The following FGFR2 variants were observed in gnomAD, a reference collection of about 807,000 sequenced individuals.
FGFR2 encodes the protein fibroblast growth factor receptor 2.
FGFR2 carries 19 observed loss-of-function variants against 95.9 expected under a neutral mutation model. That is an observed-to-expected ratio of 0.20 (90% CI 0.14 to 0.29). The LOEUF (loss-of-function observed/expected upper bound fraction) is 0.29. FGFR2 is among the 10% of genes least tolerant of loss of function. The pLI, the probability that FGFR2 is intolerant of heterozygous loss-of-function variation, is 1.00. For synonymous variants in FGFR2, 392 were observed against 393.3 expected (o/e 1.00, Z 0.04); for missense variants, 707 against 1,056.9 (o/e 0.67, Z 4.59).
At chr10:121,525,046 C>T (rs1426733908) in intron 6 of FGFR2, among the ~76,000 whole-genome samples, 1 of 152,216 alleles carries the variant, frequency 6.6e-6, no homozygotes, top group Non-Finnish European at 1.5e-5. Flanking sequence ...TCTCTTCTAG[C>T]ATGTTTAACT....
At chr10:121,536,227 T>C (rs979027477) in intron 6 of FGFR2, among the ~76,000 whole-genome samples, 18 of 152,204 alleles carry the variant, frequency 1.2e-4, no homozygotes, top group African/African-American at 4.3e-4. Flanking sequence ...TCTTATTTTA[T>C]TAGTGCTTCG....
chr10:121,510,915 C>T (rs1193625239), intron 9 of FGFR2, among the ~76,000 whole-genome samples: 1 of 151,982 alleles, frequency 6.6e-6, no homozygotes. Flanking sequence ...GATTCTCCTG[C>T]CTTAGTTTCC....
intron 13 of FGFR2, among the ~76,000 whole-genome samples, chr10:121,490,206 CA>C (rs570983099): frequency 1.1e-3 from 143 of 128,220 alleles, no homozygotes; most frequent in African/African-American, 3.6e-3. Flanking sequence ...TCTTGTTTCC[CA>C]GGCTAGAGTG....
rs758165971 is a variant in FGFR2, at chr10:121,518,876, T to C, written c.939+1103A>G. On this transcript the variant is annotated intron_variant, in intron 7 of 17. Transcript: ENST00000358487. The surrounding 1 kb of genome is among the most constrained non-coding windows in gnomAD (Gnocchi z 4.0). ...AATATAACGGCCAACCAGGAAGGTC[T>C]TAGCATTGTCTATGGTCCCACCACC... The C allele has an allele frequency of 6.2e-7, 1 of 1,612,256 alleles. No homozygotes were observed. Among genetic ancestry groups the C allele is most frequent in the East Asian group, 2.2e-5 (1 of 44,872 alleles).
At chr10:121,515,079 G>A (rs766087093) in intron 9 of FGFR2, 38 bp downstream of exon 9, 32 of 1,596,732 alleles carry the variant, frequency 2.0e-5, no homozygotes, top group Non-Finnish European at 2.6e-5. Context: ...TGGGTCATGG[G>A]GGAGGAGTAA....
At chr10:121,582,324 T>C (rs765704158) in intron 2 of FGFR2, among the ~76,000 whole-genome samples, 7 of 152,126 alleles carry the variant, frequency 4.6e-5, no homozygotes, top group African/African-American at 7.2e-5. Context: ...ACCTGGCACA[T>C]AGTAGGTCTC....
chr10:121,574,687 C>T (rs1859423641), intron 2 of FGFR2, among the ~76,000 whole-genome samples: 2 of 152,288 alleles, frequency 1.3e-5, no homozygotes, highest in South Asian at 4.1e-4. Flanking sequence ...AAAGCCTCCC[C>T]TCTGCAAGAG....
intron 17 of FGFR2, among the ~76,000 whole-genome samples, chr10:121,481,320 C>T (rs1844642195): frequency 6.6e-6 from 1 of 151,950 alleles, no homozygotes; most frequent in Admixed American, 6.6e-5. Flanking sequence ...AAGTGCAGAC[C>T]ACAGCACAAA....
At position 121,525,627 on chromosome 10, in the gene FGFR2, GA is replaced by G. The variant is rs1554934431; in HGVS notation, c.749-5459del. On this transcript the variant is annotated intron_variant, in intron 6 of 17. Coordinates refer to ENST00000358487, the MANE Select transcript of FGFR2 (RefSeq NM_000141.5). Reference sequence around the variant, plus strand: ...CTTCCAAGAGGTCATTATTGAGGGAGAGAGAGAGAGAGAGAGAGAGGAAAAA... The same window carrying G: ...CTTCCAAGAGGTCATTATTGAGGGAGGAGAGAGAGAGAGAGAGAGGAAAAA... Among the ~76,000 whole-genome samples, 6 of 4,658 alleles carry G rather than the reference GA, an allele frequency of 1.3e-3. No individual in the cohort carries two copies. In the Non-Finnish European group the frequency reaches 0.014, roughly 11 times the overall value. The allele number at this position is 4,658 out of a possible 152,430, so 3.1% of individuals were successfully genotyped here.
intron 4 of FGFR2, among the ~76,000 whole-genome samples, chr10:121,562,621 T>A (rs1857150241): frequency 6.6e-6 from 1 of 152,092 alleles, no homozygotes; most frequent in Non-Finnish European, 1.5e-5. Context: ...GTAAATAAAC[T>A]TTGATACATA....
chr10:121,595,383 G>A (rs1456885807), intron 1 of FGFR2, among the ~76,000 whole-genome samples: 1 of 152,202 alleles, frequency 6.6e-6, no homozygotes, highest in African/African-American at 2.4e-5. Flanking sequence ...GATAGCACAG[G>A]TGAAACGGTG....
intron 6 of FGFR2, among the ~76,000 whole-genome samples, chr10:121,529,534 A>G (rs1307373703): frequency 6.6e-6 from 1 of 152,244 alleles, no homozygotes; most frequent in Non-Finnish European, 1.5e-5. Context: ...TCCTACTAGA[A>G]TAATATTCAA....
At chr10:121,567,536 C>T (rs1403017094) in intron 2 of FGFR2, among the ~76,000 whole-genome samples, 1 of 152,182 alleles carries the variant, frequency 6.6e-6, no homozygotes, top group Non-Finnish European at 1.5e-5. Flanking sequence ...AGATAAAGAC[C>T]CTGCACTTGT....
intron 6 of FGFR2, among the ~76,000 whole-genome samples, chr10:121,524,570 C>T (rs1034595253): frequency 3.9e-5 from 6 of 152,308 alleles, no homozygotes; most frequent in Non-Finnish European, 5.9e-5. Context: ...CCGAACGCTG[C>T]GCTCCTCCTC....
At chr10:121,553,508 TA>T (rs1051030858) in intron 4 of FGFR2, among the ~76,000 whole-genome samples, 25 of 152,190 alleles carry the variant, frequency 1.6e-4, no homozygotes, top group African/African-American at 5.1e-4. Flanking sequence ...CCACAGCCAC[TA>T]AAAAGAAACC....
At chr10:121,492,659 A>G (rs1589740738) in intron 13 of FGFR2, among the ~76,000 whole-genome samples, 1 of 152,316 alleles carries the variant, frequency 6.6e-6, no homozygotes, top group Non-Finnish European at 1.5e-5. Flanking sequence ...TCCACTTTCA[A>G]GAATAAGCCC....
chr10:121,521,747 C>G (rs1022041735), intron 6 of FGFR2, among the ~76,000 whole-genome samples: 2 of 151,704 alleles, frequency 1.3e-5, no homozygotes, highest in African/African-American at 4.8e-5. Flanking sequence ...CCATGGAAAA[C>G]AATATGGAGG....
chr10:121,585,846 A>G (rs1861741479), intron 2 of FGFR2, among the ~76,000 whole-genome samples: 1 of 152,254 alleles, frequency 6.6e-6, no homozygotes, highest in Non-Finnish European at 1.5e-5. Context: ...GCAGCCAGGT[A>G]GAAATGCAAC....
At chr10:121,553,248 G>A (rs1346896658) in intron 4 of FGFR2, among the ~76,000 whole-genome samples, 1 of 152,194 alleles carries the variant, frequency 6.6e-6, no homozygotes, top group African/African-American at 2.4e-5. Flanking sequence ...AGCCAGGAGA[G>A]AAGAAGAGGA....
Sources: allele counts gnomAD v4.1 joint callset (sites outside exome capture counted in the v4.1 genomes callset), GRCh38; gene constraint gnomAD v4.1.1; non-coding constraint Gnocchi (gnomAD v3.1); transcripts MANE v1.5; gene names NCBI Gene and HGNC (gene_info 2026-07-23, HGNC 2026-07-21).